ZC3H14: variants seen among roughly 807,000 people sequenced by gnomAD.
ZC3H14 encodes the protein zinc finger CCCH domain-containing protein 14.
A neutral mutation model predicts 92.4 loss-of-function variants in ZC3H14; 31 were observed. That is an observed-to-expected ratio of 0.34 (90% CI 0.25 to 0.45). The LOEUF (loss-of-function observed/expected upper bound fraction) is 0.45. Ranked by LOEUF, ZC3H14 falls within the 20% of genes least tolerant of loss-of-function variation. The probability of loss-of-function intolerance (pLI) is 1.00; values close to 1 mark genes in which losing one functional copy is unlikely to be tolerated. For missense variants in ZC3H14, 781 were observed against 897.3 expected, an observed-to-expected ratio of 0.87 and a Z score of 1.66; for synonymous variants, 321 against 300.9, an observed-to-expected ratio of 1.07 and a Z score of -0.69.
At chr14:88,566,017 G>GCCCCCCCCCCCCCC (rs2079532433) in intron 2 of ZC3H14, among the ~76,000 whole-genome samples, 1 of 13,398 alleles carries the variant, frequency 7.5e-5, no homozygotes, top group African/African-American at 1.7e-4. Flanking sequence ...ACAGGCACCT[G>GCCCCCCCCCCCCCC]CCACCACCCC....
intron 10 of ZC3H14, among the ~76,000 whole-genome samples, chr14:88,600,920 C>G (rs955590879): frequency 3.3e-5 from 5 of 152,140 alleles, no homozygotes; most frequent in African/African-American, 1.2e-4. Context: ...CTTGTGAAAG[C>G]CCCTTTCCTT....
intron 2 of ZC3H14, among the ~76,000 whole-genome samples, chr14:88,566,378 T>C (rs2079627686): frequency 6.6e-6 from 1 of 152,044 alleles, no homozygotes; most frequent in Non-Finnish European, 1.5e-5. Flanking sequence ...GTTTGAGAAT[T>C]GGTAATTTAT....
intron 2 of ZC3H14, among the ~76,000 whole-genome samples, chr14:88,566,657 C>T (rs1027975523): frequency 3.3e-5 from 5 of 152,140 alleles, no homozygotes; most frequent in African/African-American, 9.7e-5. Context: ...TGGTGGTTCA[C>T]GCCTGTAATC....
rs1228728788 is a variant in ZC3H14 at position 88,618,480 on chromosome 14, A to G, written c.*6729A>G. On this transcript the variant is annotated 3_prime_UTR_variant, in exon 17 of 17. Coordinates refer to ENST00000251038, the MANE Select transcript of ZC3H14 (RefSeq NM_024824.5). ...AAGATCACTACAAAAACTTAATAGG[A>G]GAAAAGCTCTGATAAGTGGGGGAGG... 7.4e-6 allele frequency: 8 copies of G among 1,082,160 alleles called. No homozygotes were observed. In the Admixed American group the frequency reaches 7.4e-5, roughly 10 times the overall value. The allele number at this position is 1,082,160 out of a possible 1,614,324, so 67.0% of individuals were successfully genotyped here.
intron 12 of ZC3H14, among the ~76,000 whole-genome samples, chr14:88,604,575 C>G (rs932652818): frequency 2.7e-5 from 4 of 150,372 alleles, no homozygotes; most frequent in Non-Finnish European, 5.9e-5. Flanking sequence ...TATGGCAGCA[C>G]AGATTTTATA....
At chr14:88,573,473 G>T (rs74935561) in intron 6 of ZC3H14, among the ~76,000 whole-genome samples, 49,905 of 151,914 alleles carry the variant, frequency 0.33, 10,331 homozygotes, top group Middle Eastern at 0.47. Flanking sequence ...CACTCTTGTT[G>T]CCCAGGCTGG....
Position 88,617,644 on chromosome 14 carries a change from A to T in ZC3H14, c.*5893A>T, listed in dbSNP as rs1056946351. On this transcript the variant is annotated 3_prime_UTR_variant, in exon 17 of 17. Coordinates refer to ENST00000251038, the MANE Select transcript of ZC3H14 (RefSeq NM_024824.5). ...GACTTATGACATAGGAATTAAAAAAATTTCAGAGATGGGGTCTTGCTATGT... is the reference window on the plus strand; with the variant it reads ...GACTTATGACATAGGAATTAAAAAATTTTCAGAGATGGGGTCTTGCTATGT... 1 of 152,124 alleles carries T rather than the reference A, an allele frequency of 6.6e-6. No individual in the cohort carries two copies. The highest frequency in any genetic ancestry group is 1.5e-5 in the Non-Finnish European group (1 of 68,054). The allele number at this position is 152,124 out of a possible 1,614,324, so 9.4% of individuals were successfully genotyped here.
chr14:88,575,925 A>G lies in ZC3H14; in HGVS notation c.1108A>G (p.Thr370Ala). The part of the protein sequence containing the change: ...SEAQESVTKT[T>A]NYSTVPQKQT... The stretch of plus-strand genomic sequence containing the variant: ...AGCTCAAGAATCCGTAACAAAAACA[A>G]CTAACTACTCTACAGGTAATTTAAA... Residue 370 changes from threonine to alanine, a missense_variant, in exon 8 of 17, where the codon ACT becomes GCT. Coordinates refer to ENST00000251038, the MANE Select transcript of ZC3H14 (RefSeq NM_024824.5). The G allele has an allele frequency of 6.2e-7, 1 of 1,610,888 alleles. No homozygotes were observed. Among genetic ancestry groups the G allele is most frequent in the Non-Finnish European group, 8.5e-7 (1 of 1,177,262 alleles).
intron 9 of ZC3H14, among the ~76,000 whole-genome samples, chr14:88,578,840 C>T (rs1454740926): frequency 2.5e-5 from 3 of 118,612 alleles, no homozygotes; most frequent in South Asian, 3.1e-4. Flanking sequence ...AATTCCTATA[C>T]AATCTTTTGA....
In ZC3H14 at chr14:88,574,869, C is replaced by A. The variant is rs779154053; in HGVS notation, c.1022+16C>A. 1.2e-6 allele frequency: 2 copies of A among 1,613,984 alleles called. No individual in the cohort carries two copies. Among genetic ancestry groups the A allele is most frequent in the African/African-American group, 2.7e-5 (2 of 74,932 alleles). ...CTGAAAGGAGGTACCTTGAACATGG[C>A]TGTAAATTAATCTTTAACTGCCTTG... On this transcript the variant is annotated intron_variant, in intron 7 of 16. Coordinates refer to ENST00000251038, the MANE Select transcript of ZC3H14 (RefSeq NM_024824.5).
chr14:88,607,407 C>A (rs767103996), intron 13 of ZC3H14, 44 bp downstream of exon 13: 1 of 1,523,494 alleles, frequency 6.6e-7, no homozygotes, highest in Non-Finnish European at 8.9e-7. Flanking sequence ...GAGTACCATC[C>A]CCCCATCTCA....
chr14:88,578,781 GTTTTTTTTT>G (rs35101368), intron 9 of ZC3H14, among the ~76,000 whole-genome samples: 6 of 76,816 alleles, frequency 7.8e-5, no homozygotes, highest in Non-Finnish European at 1.2e-4. Flanking sequence ...TTGCTTCCAG[GTTTTTTTTT>G]TTTTTTTTTT....
In ZC3H14 at chr14:88,618,401, G is replaced by T; in HGVS notation, c.*6650G>T. On this transcript the variant is annotated 3_prime_UTR_variant, in exon 17 of 17. Transcript: ENST00000251038. ...AGACAAAATCCACAGGGGGTTTACA[G>T]AATACTAGCATATTGCTACTTGATT... The T allele has an allele frequency of 7.4e-7, 1 of 1,346,764 alleles. No individual in the cohort carries two copies. Among genetic ancestry groups the T allele is most frequent in the Non-Finnish European group, 1.1e-6 (1 of 947,836 alleles). The allele number at this position is 1,346,764 out of a possible 1,614,324, so 83.4% of individuals were successfully genotyped here. A position where few individuals can be genotyped will look rare whatever the true frequency, so the allele number is the denominator to read the frequency against.
Position 88,624,889 on chromosome 14 carries a change from A to G in ZC3H14, c.*13138A>G. The stretch of plus-strand genomic sequence containing the variant: ...TCGGAGAGGACACTCTGTGTAGCCT[A>G]GAAACAACTAGAATAATTAACTGCA... On this transcript the variant is annotated 3_prime_UTR_variant, in exon 17 of 17. Coordinates refer to ENST00000251038, the MANE Select transcript of ZC3H14 (RefSeq NM_024824.5). 6.6e-7 allele frequency: 1 copy of G among 1,513,186 alleles called. No homozygotes were observed. Among genetic ancestry groups the G allele is most frequent in the Non-Finnish European group, 8.9e-7 (1 of 1,117,426 alleles). The allele number at this position is 1,513,186 out of a possible 1,614,324, so 93.7% of individuals were successfully genotyped here.
chr14:88,623,805 A>G lies in ZC3H14; in HGVS notation c.*12054A>G, dbSNP rs2089481793. 1 of 152,162 alleles carries G rather than the reference A, an allele frequency of 6.6e-6. No homozygotes were observed. The highest frequency in any genetic ancestry group is 2.4e-5 in the African/African-American group (1 of 41,444). 9.4% of individuals were successfully genotyped at this position (152,162 alleles called of 1,614,324 possible). A position where few individuals can be genotyped will look rare whatever the true frequency, so the allele number is the denominator to read the frequency against. Reference sequence around the variant, plus strand: ...GGAACAGTTTAGCAGGCTTCTAGTGAGTGGGGGTGTGCAGGAGTAAATGAC... The same window carrying G: ...GGAACAGTTTAGCAGGCTTCTAGTGGGTGGGGGTGTGCAGGAGTAAATGAC... On this transcript the variant is annotated 3_prime_UTR_variant, in exon 17 of 17. Coordinates refer to ENST00000251038, the MANE Select transcript of ZC3H14 (RefSeq NM_024824.5).
At position 88,618,228 on chromosome 14, in the gene ZC3H14, C is replaced by G. The variant is rs779980921; in HGVS notation, c.*6477C>G. ...GCCTTGTGAATATATAAGTATTTAC[C>G]TAGTCCATGTAGCCCAAGTAATTCT... On this transcript the variant is annotated 3_prime_UTR_variant, in exon 17 of 17. Coordinates refer to ENST00000251038, the MANE Select transcript of ZC3H14 (RefSeq NM_024824.5). 23 of 1,612,962 alleles carry G rather than the reference C, an allele frequency of 1.4e-5. No homozygotes were observed. The highest frequency in any genetic ancestry group is 1.7e-5 in the Non-Finnish European group (20 of 1,179,406).
chr14:88,596,758 C>G lies in ZC3H14; in HGVS notation c.1304C>G (p.Ser435Cys). 6.2e-7 allele frequency: 1 copy of G among 1,614,010 alleles called. No individual in the cohort carries two copies. Among genetic ancestry groups the G allele is most frequent in the Non-Finnish European group, 8.5e-7 (1 of 1,179,942 alleles). Residue 435 changes from serine to cysteine, a missense_variant, in exon 10 of 17, where the codon TCC becomes TGC. Physicochemically the swap from Ser to Cys is moderately radical, Grantham distance 112 (BLOSUM62 -1). Around this residue, in one of 3 missense-constraint regions of ZC3H14, gnomAD observed 454 missense variants for 438.5 expected, o/e 1.04. Coordinates refer to ENST00000251038, the MANE Select transcript of ZC3H14 (RefSeq NM_024824.5). The stretch of plus-strand genomic sequence containing the variant: ...GGAACTCAACAGAGGCAATTATTAT[C>G]CCGACTGCAAATCGACCCAGTAATG... ...NQGTQQRQLLSRLQIDPVMAE... is the reference protein window; with the variant it reads ...NQGTQQRQLLCRLQIDPVMAE...
At chr14:88,565,742 G>T (rs1356288002) in intron 2 of ZC3H14, among the ~76,000 whole-genome samples, 2 of 152,014 alleles carry the variant, frequency 1.3e-5, no homozygotes, top group Non-Finnish European at 2.9e-5. Flanking sequence ...TATCTGAAAA[G>T]ACTATCAGAA....
intron 6 of ZC3H14, chr14:88,573,865 C>T (rs1566903902): frequency 4.6e-5 from 7 of 152,368 alleles, no homozygotes; most frequent in African/African-American, 1.7e-4. Flanking sequence ...GATCTGCCCT[C>T]CTTGGCCTCC....
Sources: gnomAD v4.1 joint callset for allele counts (sites outside exome capture counted in the v4.1 genomes callset) on GRCh38, gnomAD v4.1.1 for gene constraint, gnomAD v4.1.1 regional missense constraint, MANE v1.5 for transcripts, NCBI Gene and HGNC (gene_info 2026-07-23, HGNC 2026-07-21) for gene names.